Variants in PABPC4L observed in about 807,000 individuals in gnomAD.
The protein encoded by PABPC4L is polyadenylate-binding protein 4-like.
For missense variants in PABPC4L, 452 were observed against 451.4 expected (o/e 1.00, Z -0.01); for synonymous variants, 169 against 164.1 (o/e 1.03, Z -0.23).
the PABPC4L span, among the ~76,000 whole-genome samples, chr4:134,188,120 TTG>T: frequency 2.0e-5 from 3 of 150,760 alleles, no homozygotes; most frequent in Non-Finnish European, 4.4e-5. Context: ...GCAGGGGTGT[TTG>T]TGTGTGTGTG....
the PABPC4L span, among the ~76,000 whole-genome samples, chr4:133,960,632 C>T: frequency 6.6e-6 from 1 of 152,284 alleles, no homozygotes; most frequent in African/African-American, 2.4e-5. Context: ...AGAACTAAAG[C>T]TCTTTTCTTT....
At chr4:134,052,632 T>G in the PABPC4L span, among the ~76,000 whole-genome samples, 3 of 151,920 alleles carry the variant, frequency 2.0e-5, no homozygotes, top group Non-Finnish European at 4.4e-5. Context: ...TATAGTAAAA[T>G]GTGACCACCA....
chr4:134,151,947 T>C, the PABPC4L span, among the ~76,000 whole-genome samples: 31,677 of 145,644 alleles, frequency 0.22, 4,109 homozygotes, highest in Non-Finnish European at 0.27. Flanking sequence ...TAATGTAACA[T>C]ATTTTTATAT....
At chr4:134,039,445 T>C in the PABPC4L span, among the ~76,000 whole-genome samples, 1 of 152,142 alleles carries the variant, frequency 6.6e-6, no homozygotes, top group African/African-American at 2.4e-5. Context: ...AGTATTATTT[T>C]GTGGGAGTCT....
the PABPC4L span, among the ~76,000 whole-genome samples, chr4:134,178,475 A>G: frequency 5.3e-5 from 5 of 93,982 alleles, no homozygotes; most frequent in Admixed American, 3.7e-4. Flanking sequence ...TGGCAACTCA[A>G]AAAGCCAGAG....
chr4:134,129,981 C>T, the PABPC4L span, among the ~76,000 whole-genome samples: 68,197 of 150,498 alleles, frequency 0.45, 17,858 homozygotes, highest in East Asian at 0.98. Flanking sequence ...AGGAGAATCG[C>T]TTGAACCCAG....
chr4:134,094,381 C>G, the PABPC4L span, among the ~76,000 whole-genome samples: 1 of 151,932 alleles, frequency 6.6e-6, no homozygotes, highest in East Asian at 1.9e-4. Flanking sequence ...TACTAAAACT[C>G]TATGTCTACC....
chr4:134,018,099 C>T, the PABPC4L span, among the ~76,000 whole-genome samples: 12 of 152,076 alleles, frequency 7.9e-5, no homozygotes, highest in Admixed American at 2.6e-4. Flanking sequence ...TGGCCTGTTC[C>T]TGCCTTAACT....
At chr4:134,092,819 A>G in the PABPC4L span, among the ~76,000 whole-genome samples, 1 of 152,048 alleles carries the variant, frequency 6.6e-6, no homozygotes, top group Non-Finnish European at 1.5e-5. Context: ...AGGGTCAGGG[A>G]ACACTCCCGC....
At chr4:134,061,408 A>G in the PABPC4L span, among the ~76,000 whole-genome samples, 1 of 152,008 alleles carries the variant, frequency 6.6e-6, no homozygotes, top group Non-Finnish European at 1.5e-5. Flanking sequence ...AAGATATATC[A>G]TACACCACTC....
downstream of PABPC4L, among the ~76,000 whole-genome samples, chr4:134,192,001 A>G (rs947818335): frequency 2.0e-5 from 3 of 152,120 alleles, no homozygotes; most frequent in African/African-American, 7.2e-5. Context: ...TGACAATGAG[A>G]AACTGTCTTT....
the PABPC4L span, among the ~76,000 whole-genome samples, chr4:134,128,952 A>T: frequency 6.6e-6 from 1 of 152,086 alleles, no homozygotes; most frequent in Non-Finnish European, 1.5e-5. Flanking sequence ...ATAAGGACTC[A>T]TATAAACTTA....
At chr4:134,066,967 C>T in the PABPC4L span, among the ~76,000 whole-genome samples, 1 of 152,014 alleles carries the variant, frequency 6.6e-6, no homozygotes, top group Non-Finnish European at 1.5e-5. Context: ...ATATTTGCAT[C>T]TATTTTTACC....
At chr4:134,138,638 C>T in the PABPC4L span, among the ~76,000 whole-genome samples, 105,418 of 151,502 alleles carry the variant, frequency 0.7, 38,010 homozygotes, top group East Asian at 1. Flanking sequence ...CCAAATGATA[C>T]TCAATTTTAT....
chr4:134,066,492 A>G, the PABPC4L span, among the ~76,000 whole-genome samples: 2 of 152,106 alleles, frequency 1.3e-5, no homozygotes, highest in African/African-American at 2.4e-5. Flanking sequence ...TGGAAGCAGA[A>G]TAGTTTGACT....
chr4:133,961,853 T>C, the PABPC4L span, among the ~76,000 whole-genome samples: 99 of 152,246 alleles, frequency 6.5e-4, no homozygotes, highest in African/African-American at 2.3e-3. Context: ...CTCACCATTG[T>C]TCCTGCCTGG....
the PABPC4L span, among the ~76,000 whole-genome samples, chr4:134,166,298 A>C: frequency 6.6e-6 from 1 of 152,230 alleles, no homozygotes; most frequent in African/African-American, 2.4e-5. Context: ...ATAAATGAAT[A>C]TATATGTAGA....
chr4:134,012,566 G>A, the PABPC4L span, among the ~76,000 whole-genome samples: 2 of 152,226 alleles, frequency 1.3e-5, no homozygotes, highest in Non-Finnish European at 2.9e-5. Context: ...GTGATTAAAA[G>A]CTTTATTGCT....
At chr4:134,181,704 A>G in the PABPC4L span, among the ~76,000 whole-genome samples, 2 of 152,080 alleles carry the variant, frequency 1.3e-5, no homozygotes, top group African/African-American at 4.8e-5. Context: ...TATAAAAATC[A>G]GTAGCATTCA....
Sources: gnomAD v4.1 joint callset for allele counts (sites outside exome capture counted in the v4.1 genomes callset) on GRCh38, gnomAD v4.1.1 for gene constraint, MANE v1.5 for transcripts, NCBI Gene and HGNC (gene_info 2026-07-23, HGNC 2026-07-21) for gene names.